MAPKBP1: variants seen among roughly 807,000 people sequenced by gnomAD.
MAPKBP1 encodes mitogen-activated protein kinase-binding protein 1.
A neutral mutation model predicts 170.5 loss-of-function variants in MAPKBP1; 71 were observed. The ratio of observed to expected loss-of-function variants is 0.42; its 90% CI spans 0.34 to 0.51. The LOEUF (loss-of-function observed/expected upper bound fraction) is 0.51. Among genes scored for constraint, MAPKBP1 ranks in the 20% least tolerant of loss-of-function variants. The pLI, the probability that MAPKBP1 is intolerant of heterozygous loss-of-function variation, is 0.06. For synonymous variants in MAPKBP1, 719 were observed against 757.9 expected (o/e 0.95, Z 0.84); for missense variants, 1,598 against 1,933.0 (o/e 0.83, Z 3.25).
rs1055062185 is a variant in MAPKBP1 at position 41,819,634 on chromosome 15, A to G, written c.2465A>G (p.His822Arg). 2.2e-5 allele frequency: 35 copies of G among 1,609,302 alleles called. No homozygotes were observed. The highest frequency in any genetic ancestry group is 2.9e-5 in the Non-Finnish European group (34 of 1,178,120). The change falls in exon 22 of 31, where the codon CAC becomes CGC. Residue 822 changes from histidine to arginine, a missense_variant. Physicochemically the swap from His to Arg is conservative, Grantham distance 29. Coordinates refer to ENST00000457542, the MANE Select transcript of MAPKBP1 (RefSeq NM_014994.3). ...CCAGCTTTGCCCCGAAGCCTGTCCC[A>G]CTGGGAGATGAGTCGGGTGAGTCGC... ...PSPALPRSLS[H>R]WEMSRAQESV...
At chr15:41,822,540 TG>T in intron 26 of MAPKBP1, 52 bp from the exon 27 acceptor site, 3 of 1,609,300 alleles carry the variant, frequency 1.9e-6, no homozygotes, top group Non-Finnish European at 2.6e-6. Context: ...AGGCAAAATC[TG>T]GGGCAAGGGC....
intron 8 of MAPKBP1, 194 bp downstream of exon 8, chr15:41,813,295 T>A: frequency 6.5e-7 from 1 of 1,529,318 alleles, no homozygotes; most frequent in Non-Finnish European, 9.1e-7. Context: ...CTCTGCTCTT[T>A]CTGTCTCTTT....
At chr15:41,820,706 T>C in intron 22 of MAPKBP1, 126 bp from the exon 23 acceptor site, 2 of 687,812 alleles carry the variant, frequency 2.9e-6, no homozygotes, top group Non-Finnish European at 5.0e-6. Flanking sequence ...TTTCAAAAGG[T>C]TGCTGTGAGG....
intron 23 of MAPKBP1, 41 bp downstream of exon 23, chr15:41,821,109 G>A (rs769219604): frequency 6.3e-7 from 1 of 1,593,276 alleles, no homozygotes; most frequent in Non-Finnish European, 8.6e-7. Flanking sequence ...AGTTCCAAGG[G>A]GCCTTAGGCA....
chr15:41,783,679 G>A (rs1214417750), intron 2 of MAPKBP1, among the ~76,000 whole-genome samples: 3 of 152,204 alleles, frequency 2.0e-5, no homozygotes, highest in Non-Finnish European at 4.4e-5. Context: ...ATGGAGAACA[G>A]CCCATAGGCA....
At chr15:41,808,424 C>T (rs2064742998) in intron 3 of MAPKBP1, among the ~76,000 whole-genome samples, 1 of 151,396 alleles carries the variant, frequency 6.6e-6, no homozygotes, top group Non-Finnish European at 1.5e-5. Flanking sequence ...TTTTCGTTTG[C>T]CTGCTCAAGA....
At position 41,826,054 on chromosome 15, in the gene MAPKBP1, A is replaced by C. The variant is rs2065086587; in HGVS notation, c.*618A>C. The C allele has an allele frequency of 6.6e-6, 1 of 152,074 alleles. No individual in the cohort carries two copies. The highest frequency in any genetic ancestry group is 2.4e-5 in the African/African-American group (1 of 41,170). The allele number at this position is 152,074 out of a possible 1,614,324, so 9.4% of individuals were successfully genotyped here. A position where few individuals can be genotyped will look rare whatever the true frequency, so the allele number is the denominator to read the frequency against. The stretch of plus-strand genomic sequence containing the variant: ...ATTTGGACCTGAGCCCGCACATTCC[A>C]CTCCCATTCTCCCTCCAAGAGGGGC... On this transcript the variant is annotated 3_prime_UTR_variant, in exon 31 of 31. Transcript: ENST00000457542.
chr15:41,816,701 C>A, intron 13 of MAPKBP1, 51 bp downstream of exon 13: 1 of 1,543,540 alleles, frequency 6.5e-7, no homozygotes, highest in Admixed American at 1.7e-5. Flanking sequence ...CTGCCGGTGC[C>A]ACTTATATCT....
In MAPKBP1 at chr15:41,817,998, G is replaced by A. The variant is rs752937469; in HGVS notation, c.1905-11G>A. On this transcript the variant is annotated splice_polypyrimidine_tract_variant and intron_variant, in intron 16 of 30. Transcript: ENST00000457542. This position sits in a 1 kb window ranked among gnomAD's most constrained non-coding sequence, Gnocchi z 4.2. ...CGCCTCCTCATGAGAAAGAGACTAT[G>A]TTTCTTACAGGATATTTAACATCAG... is the stretch of plus-strand genomic sequence containing the variant. 1.5e-5 allele frequency: 25 copies of A among 1,613,770 alleles called. No individual in the cohort carries two copies. The highest frequency in any genetic ancestry group is 2.1e-5 in the Non-Finnish European group (25 of 1,179,794).
intron 2 of MAPKBP1, among the ~76,000 whole-genome samples, chr15:41,781,061 T>A (rs2064178002): frequency 1.0e-5 from 1 of 96,490 alleles, no homozygotes; most frequent in Admixed American, 1.4e-4. Context: ...AATGCTTTTT[T>A]TTTGCTTTTT....
At chr15:41,780,442 T>G (rs1341330412) in intron 2 of MAPKBP1, among the ~76,000 whole-genome samples, 1 of 152,232 alleles carries the variant, frequency 6.6e-6, no homozygotes, top group Non-Finnish European at 1.5e-5. Context: ...TTATTCAAAC[T>G]AAGCTTCTCT....
At chr15:41,814,794 T>C in intron 10 of MAPKBP1, 55 bp downstream of exon 10, 2 of 1,589,302 alleles carry the variant, frequency 1.3e-6, no homozygotes, top group Non-Finnish European at 1.7e-6. Context: ...GGATACCATT[T>C]TGAGGACAGA....
Position 41,812,994 on chromosome 15 carries a change from G to T in MAPKBP1, c.712G>T (p.Ala238Ser), listed in dbSNP as rs1323257655. The T allele has an allele frequency of 3.1e-6, 5 of 1,614,054 alleles. No individual in the cohort carries two copies. In the East Asian group the frequency reaches 1.1e-4, roughly 36 times the overall value. Residue 238 changes from alanine to serine, a missense_variant, in exon 8 of 31, where the codon GCC becomes TCC. Ala to Ser is a moderately conservative substitution (Grantham distance 99). Around this residue, in one of 6 missense-constraint regions of MAPKBP1, gnomAD observed 430 missense variants for 617.2 expected, o/e 0.70. Transcript: ENST00000457542. ...ELRNNLFTDV[A>S]CGRGKKADST... ...ACGGAACAACCTATTCACTGATGTG[G>T]CCTGTGGCAGAGGAAAAAAGGCGGA... is the stretch of plus-strand genomic sequence containing the variant.
chr15:41,813,575 CTGAG>C, intron 8 of MAPKBP1, 42 bp from the exon 9 acceptor site: 1 of 1,602,706 alleles, frequency 6.2e-7, no homozygotes, highest in Non-Finnish European at 8.5e-7. Context: ...GGAGAGAAGA[CTGAG>C]TGGGCAGGTG....
At chr15:41,791,897 A>T (rs986599212) in intron 2 of MAPKBP1, among the ~76,000 whole-genome samples, 7 of 152,144 alleles carry the variant, frequency 4.6e-5, no homozygotes, top group Middle Eastern at 3.4e-3. Flanking sequence ...CTCTACTAAA[A>T]ATATAAAATT....
chr15:41,784,771 A>C (rs1364972353), intron 2 of MAPKBP1, among the ~76,000 whole-genome samples: 1 of 103,600 alleles, frequency 9.7e-6, no homozygotes, highest in Non-Finnish European at 1.8e-5. Context: ...ATAGAGCGAG[A>C]CTCCGTCTCA....
Position 41,813,718 on chromosome 15 carries a change from T to C in MAPKBP1, c.917T>C (p.Phe306Ser). ...CTTTTCAACCCCTCTAACCTGCACT[T>C]CCTTAGCACCTTGCCCCGACCCCAT... ...VRLFNPSNLHFLSTLPRPHAL... is the reference protein window; with the variant it reads ...VRLFNPSNLHSLSTLPRPHAL... Residue 306 changes from phenylalanine (F) to serine (S), a missense_variant, in exon 9 of 31, where the codon TTC (phenylalanine) becomes TCC (serine). This residue lies in a region of MAPKBP1 where 430 missense variants were observed against 617.2 expected (regional missense o/e 0.70). Coordinates refer to ENST00000457542, the MANE Select transcript of MAPKBP1 (RefSeq NM_014994.3). 6.2e-7 allele frequency: 1 copy of C among 1,613,848 alleles called. No individual in the cohort carries two copies. The highest frequency in any genetic ancestry group is 8.5e-7 in the Non-Finnish European group (1 of 1,179,894).
intron 2 of MAPKBP1, among the ~76,000 whole-genome samples, chr15:41,793,133 C>T (rs1212561034): frequency 3.3e-5 from 5 of 152,172 alleles, no homozygotes; most frequent in East Asian, 1.9e-4. Flanking sequence ...AAATGTAAAA[C>T]AGTGCCATTC....
chr15:41,821,959 T>TA lies in MAPKBP1; in HGVS notation c.2886-6_2886-5insA. 6.2e-7 allele frequency: 1 copy of TA among 1,610,564 alleles called. No individual in the cohort carries two copies. The highest frequency in any genetic ancestry group is 8.5e-7 in the Non-Finnish European group (1 of 1,178,474). ...CCTTTTCTTCTCCCTGCTGGAATCCTGACAGTGAGTTCCAAGTGCAGGCTC... is the reference window on the plus strand; with the variant it reads ...CCTTTTCTTCTCCCTGCTGGAATCCTAGACAGTGAGTTCCAAGTGCAGGCTC... On this transcript the variant is annotated splice_region_variant and splice_polypyrimidine_tract_variant and intron_variant, in intron 24 of 30. Transcript: ENST00000457542.
Sources: gnomAD v4.1 joint callset for allele counts (sites outside exome capture counted in the v4.1 genomes callset) on GRCh38, gnomAD v4.1.1 for gene constraint, gnomAD v4.1.1 regional missense constraint, Gnocchi (gnomAD v3.1) non-coding constraint, MANE v1.5 for transcripts, NCBI Gene and HGNC (gene_info 2026-07-23, HGNC 2026-07-21) for gene names.